The following DPF3 variants were observed in gnomAD, a reference collection of about 807,000 sequenced individuals.
The protein encoded by DPF3 is double PHD fingers 3.
DPF3 carries 18 observed loss-of-function variants against 56.8 expected under a neutral mutation model. That is an observed-to-expected ratio of 0.32 (90% CI 0.22 to 0.47). The LOEUF is 0.47. Among genes scored for constraint, DPF3 ranks in the 20% least tolerant of loss-of-function variants. DPF3 has a pLI of 1.00. For missense variants in DPF3, 403 were observed against 488.8 expected, an observed-to-expected ratio of 0.82 and a Z score of 1.65; for synonymous variants, 188 against 180.2, an observed-to-expected ratio of 1.04 and a Z score of -0.35.
At chr14:72,645,680 T>C (rs561511527) in intron 8 of DPF3, among the ~76,000 whole-genome samples, 55 of 152,350 alleles carry the variant, frequency 3.6e-4, no homozygotes, top group African/African-American at 1.3e-3. Flanking sequence ...GCCTCTTTGC[T>C]GTCTGGCCAC....
intron 5 of DPF3, among the ~76,000 whole-genome samples, chr14:72,716,941 C>A (rs891708693): frequency 6.6e-6 from 1 of 151,894 alleles, no homozygotes; most frequent in Admixed American, 6.6e-5. Flanking sequence ...TCCACCCTAA[C>A]GGGGGATCTA....
At chr14:72,820,510 A>G (rs562711734) in intron 1 of DPF3, among the ~76,000 whole-genome samples, 1 of 152,188 alleles carries the variant, frequency 6.6e-6, no homozygotes, top group African/African-American at 2.4e-5. Flanking sequence ...GGACAAGATG[A>G]GCACTCTTCT....
In DPF3 at chr14:72,848,165, A is replaced by AT. The variant is rs1391939210; in HGVS notation, c.32+45891dup. 5.3e-3 allele frequency among the ~76,000 whole-genome samples: 798 copies of AT among 150,816 alleles called. 6 individuals are homozygous for AT. The highest frequency in any genetic ancestry group is 0.018 in the African/African-American group (757 of 41,096). On this transcript the variant is annotated intron_variant, in intron 1 of 10. Transcript: ENST00000556509. The stretch of plus-strand genomic sequence containing the variant: ...TTATTTAGCTTTTTTAATTTTTTTT[A>AT]TTTTTTTTTGGACACAGAGTCTCGC...
intron 1 of DPF3, among the ~76,000 whole-genome samples, chr14:72,884,898 C>T (rs1466563438): frequency 3.8e-5 from 5 of 130,846 alleles, no homozygotes; most frequent in Admixed American, 8.4e-5. Flanking sequence ...AGATCGAGAC[C>T]GTCCTGGCTA....
At chr14:72,624,908 C>A (rs934275541) in intron 9 of DPF3, among the ~76,000 whole-genome samples, 1 of 152,128 alleles carries the variant, frequency 6.6e-6, no homozygotes, top group Non-Finnish European at 1.5e-5. Flanking sequence ...CGCATCATAT[C>A]GGGGGAAATT....
At chr14:72,877,664 G>C (rs1348225719) in intron 1 of DPF3, among the ~76,000 whole-genome samples, 1 of 152,150 alleles carries the variant, frequency 6.6e-6, no homozygotes, top group African/African-American at 2.4e-5. Context: ...TCTGACACTC[G>C]CTGGGATCTT....
At position 72,613,646 on chromosome 14, in the gene DPF3, G is replaced by C. The variant is rs1883895610; in HGVS notation, c.*5651C>G. ...AGCCAGGGCTCACTCAGAACCCAGA[G>C]AGAGCCTGTTCCCAGGAACCCACTC... On this transcript the variant is annotated 3_prime_UTR_variant, in exon 11 of 11. Coordinates refer to ENST00000556509, the MANE Select transcript of DPF3 (RefSeq NM_001280542.3). Among the ~76,000 whole-genome samples the C allele has an allele frequency of 6.6e-6, 1 of 152,162 alleles. No individual in the cohort carries two copies. Among genetic ancestry groups the C allele is most frequent in the African/African-American group, 2.4e-5 (1 of 41,424 alleles).
chr14:72,813,115 A>G (rs1207104124), intron 1 of DPF3, among the ~76,000 whole-genome samples: 1 of 152,132 alleles, frequency 6.6e-6, no homozygotes, highest in Non-Finnish European at 1.5e-5. Context: ...TGAGATCCAA[A>G]CAAGGTCCCA....
At chr14:72,721,309 C>T (rs557846920) in intron 5 of DPF3, among the ~76,000 whole-genome samples, 107 of 152,266 alleles carry the variant, frequency 7.0e-4, no homozygotes, top group South Asian at 1.7e-3. Context: ...ACTGCAAGCT[C>T]AATCTTCTAA....
intron 7 of DPF3, among the ~76,000 whole-genome samples, chr14:72,679,771 G>A (rs753461467): frequency 4.6e-5 from 7 of 152,228 alleles, no homozygotes; most frequent in African/African-American, 9.6e-5. Flanking sequence ...TGTGCAGAGC[G>A]CATCTTCAGA....
chr14:72,761,540 T>G (rs1269789790), intron 2 of DPF3, among the ~76,000 whole-genome samples: 1 of 152,014 alleles, frequency 6.6e-6, no homozygotes, highest in Non-Finnish European at 1.5e-5. Flanking sequence ...CTATATCAAA[T>G]TTTTTAAATG....
At chr14:72,860,376 T>C (rs1023222079) in intron 1 of DPF3, among the ~76,000 whole-genome samples, 2 of 151,992 alleles carry the variant, frequency 1.3e-5, no homozygotes, top group Non-Finnish European at 2.9e-5. Context: ...GTAGAGACAA[T>C]GTCTCACTAT....
In DPF3 at chr14:72,617,219, G is replaced by A. The variant is rs141914026; in HGVS notation, c.*2078C>T. On this transcript the variant is annotated 3_prime_UTR_variant, in exon 11 of 11. Transcript: ENST00000556509. ...GGACGTGTGAAGTTGTAGAGCCACA[G>A]TTTGGGGTTTCGGACTTGCTTTTTA... Among the ~76,000 whole-genome samples, 2 of 152,358 alleles carry A rather than the reference G, an allele frequency of 1.3e-5. No individual in the cohort carries two copies. Among genetic ancestry groups the A allele is most frequent in the African/African-American group, 4.8e-5 (2 of 41,578 alleles).
intron 3 of DPF3, 50 bp from the exon 4 acceptor site, chr14:72,731,984 G>A: frequency 6.4e-7 from 1 of 1,551,272 alleles, no homozygotes; most frequent in East Asian, 2.4e-5. Context: ...AGCAGGCAGG[G>A]CAGGAGGGAC....
chr14:72,749,164 G>T (rs560413039), intron 3 of DPF3, among the ~76,000 whole-genome samples: 2 of 152,342 alleles, frequency 1.3e-5, no homozygotes, highest in Admixed American at 1.3e-4. Flanking sequence ...AAAGCCACAG[G>T]GGTGGAGTTG....
At chr14:72,833,529 G>C (rs1884152512) in intron 1 of DPF3, among the ~76,000 whole-genome samples, 1 of 152,030 alleles carries the variant, frequency 6.6e-6, no homozygotes, top group Non-Finnish European at 1.5e-5. Flanking sequence ...GAGAATTGGG[G>C]GCAAAACAAG....
intron 3 of DPF3, among the ~76,000 whole-genome samples, chr14:72,743,925 G>A (rs917849918): frequency 6.6e-6 from 1 of 152,242 alleles, no homozygotes; most frequent in Non-Finnish European, 1.5e-5. Flanking sequence ...GAACTCAATT[G>A]TCAGTCACTG....
chr14:72,894,036 A>G, intron 1 of DPF3, 21 bp downstream of exon 1: 1 of 1,610,408 alleles, frequency 6.2e-7, no homozygotes. Context: ...CGGAATATGT[A>G]CATTTTTTAG....
intron 8 of DPF3, among the ~76,000 whole-genome samples, chr14:72,657,918 A>G (rs538917908): frequency 4.6e-5 from 7 of 152,290 alleles, no homozygotes; most frequent in African/African-American, 1.4e-4. Context: ...TAAGGCAAAA[A>G]AATTTCTTAT....
Sources: allele counts gnomAD v4.1 joint callset (sites outside exome capture counted in the v4.1 genomes callset), GRCh38; gene constraint gnomAD v4.1.1; transcripts MANE v1.5; gene names NCBI Gene and HGNC (gene_info 2026-07-23, HGNC 2026-07-21).